UNC13C: variants seen among roughly 807,000 people sequenced by gnomAD.
The protein encoded by UNC13C is unc-13 homolog C, also known as protein unc-13 homolog C.
Under a neutral mutation model 245.4 loss-of-function variants are expected in UNC13C, and 174 were observed. The observed-to-expected ratio is 0.71, with a 90% CI of 0.63 to 0.80. The LOEUF (loss-of-function observed/expected upper bound fraction) is 0.80. UNC13C is among the 30% of genes least tolerant of loss of function. UNC13C has a pLI of 0.00. For synonymous variants in UNC13C, 992 were observed against 895.1 expected, an observed-to-expected ratio of 1.11 and a Z score of -1.93; for missense variants, 2,829 against 2,602.9, an observed-to-expected ratio of 1.09 and a Z score of -1.89.
At chr15:54,396,942 A>T (rs148828697) in intron 18 of UNC13C, among the ~76,000 whole-genome samples, 96 of 151,054 alleles carry the variant, frequency 6.4e-4, no homozygotes, top group African/African-American at 2.2e-3. Flanking sequence ...TAAATGTTGC[A>T]GTATATGCTT....
rs746781301 is a variant in UNC13C, at chr15:54,237,669, A to C, written c.3207A>C (p.Thr1069=). The C allele has an allele frequency of 4.3e-6, 7 of 1,611,812 alleles. No individual in the cohort carries two copies. The East Asian group carries it at 1.1e-4, about 26-fold the overall frequency. ...SGLSLAMVIR[T]SLNNEELKMH... ...TCTCCCTGGCTATGGTGATTAGGAC[A>C]TCCCTAAATAATGAGGAACTGGTAA... The change falls in exon 7 of 33, where the codon ACA becomes ACC. Residue 1069 remains threonine, a synonymous_variant. Coordinates refer to ENST00000260323, the MANE Select transcript of UNC13C (RefSeq NM_001080534.3).
At chr15:54,624,065 T>G in intron 32 of UNC13C, 111 bp downstream of exon 32, 1 of 1,342,582 alleles carries the variant, frequency 7.4e-7, no homozygotes, top group Non-Finnish European at 1.0e-6. Flanking sequence ...AAGGCTCTGT[T>G]TTTAGTTCCC....
chr15:54,301,562 G>A (rs1216725058), intron 13 of UNC13C, among the ~76,000 whole-genome samples: 1 of 152,060 alleles, frequency 6.6e-6, no homozygotes, highest in East Asian at 1.9e-4. Context: ...TCTTGTGTTA[G>A]TTTGCTGAGA....
intron 19 of UNC13C, among the ~76,000 whole-genome samples, chr15:54,450,164 G>C (rs1416503548): frequency 6.6e-6 from 1 of 152,208 alleles, no homozygotes; most frequent in Non-Finnish European, 1.5e-5. Context: ...GCCACGATGA[G>C]GTGTCAGTCT....
chr15:54,254,468 T>C (rs141812461), intron 8 of UNC13C, among the ~76,000 whole-genome samples: 53 of 152,334 alleles, frequency 3.5e-4, no homozygotes, highest in African/African-American at 1.2e-3. Flanking sequence ...CACTGCTACT[T>C]AACACACATT....
chr15:54,161,289 T>C (rs532116780), intron 4 of UNC13C, among the ~76,000 whole-genome samples: 1 of 152,176 alleles, frequency 6.6e-6, no homozygotes, highest in African/African-American at 2.4e-5. Context: ...ATAAGTTGAA[T>C]AATAAACAGG....
At chr15:54,526,520 A>G (rs1356359786) in intron 25 of UNC13C, among the ~76,000 whole-genome samples, 1 of 152,056 alleles carries the variant, frequency 6.6e-6, no homozygotes, top group Non-Finnish European at 1.5e-5. Flanking sequence ...TCACGAGGTC[A>G]GGAGATCGAG....
the UNC13C span, among the ~76,000 whole-genome samples, chr15:53,944,073 ATCTG>A: frequency 8.1e-5 from 12 of 148,358 alleles, no homozygotes; most frequent in African/African-American, 2.9e-4. Flanking sequence ...CTCTGTTAAT[ATCTG>A]TCTTTTAGTT....
intron 7 of UNC13C, among the ~76,000 whole-genome samples, chr15:54,242,081 T>C (rs1446520608): frequency 6.6e-6 from 1 of 152,224 alleles, no homozygotes; most frequent in Non-Finnish European, 1.5e-5. Flanking sequence ...TATTTTTGCA[T>C]CTACTTTGCA....
rs1596546455 is a variant in UNC13C, at chr15:54,546,743, C to A, written c.5718C>A (p.Ile1906=). The A allele has an allele frequency of 6.6e-7, 1 of 1,508,450 alleles. No homozygotes were observed. The highest frequency in any genetic ancestry group is 8.9e-7 in the Non-Finnish European group (1 of 1,128,310). 93.4% of individuals were successfully genotyped at this position (1,508,450 alleles called of 1,614,324 possible). A position where few individuals can be genotyped will look rare whatever the true frequency, so the allele number is the denominator to read the frequency against. ...TCAGATTAAGTCTCTCAGCAAAAATCTGTGAGAAAACAGTCCTAAAGCGAG... is the reference window on the plus strand; with the variant it reads ...TCAGATTAAGTCTCTCAGCAAAAATATGTGAGAAAACAGTCCTAAAGCGAG... ...LDKTLSLSAK[I]CEKTVLKRVL... is the part of the protein sequence containing the mutation. Residue 1906 remains isoleucine, a synonymous_variant, in exon 27 of 33, where the codon ATC becomes ATA. Coordinates refer to ENST00000260323, the MANE Select transcript of UNC13C (RefSeq NM_001080534.3).
intron 4 of UNC13C, among the ~76,000 whole-genome samples, chr15:54,226,053 G>A (rs2035371559): frequency 6.6e-6 from 1 of 152,130 alleles, no homozygotes. Flanking sequence ...TTTTGCATCT[G>A]TTGAGATAAG....
At chr15:54,146,794 G>A (rs752511040) in intron 4 of UNC13C, among the ~76,000 whole-genome samples, 5 of 152,176 alleles carry the variant, frequency 3.3e-5, no homozygotes, top group Non-Finnish European at 5.9e-5. Context: ...GGACAGAAAT[G>A]TCTCAAAGAT....
rs944084178 is a variant in UNC13C at position 54,164,623 on chromosome 15, G to A, written c.3071+20939G>A. Among the ~76,000 whole-genome samples the A allele has an allele frequency of 1.8e-4, 27 of 152,252 alleles. No individual in the cohort carries two copies. The East Asian group carries it at 1.9e-3, about 11-fold the overall frequency. On this transcript the variant is annotated intron_variant, in intron 4 of 32. Transcript: ENST00000260323. ...CAGCATCTGCTCTGTCAGTTCAGCC[G>A]GGTTTCTAGAGCCATCAGCCTCTGG...
rs538945897 is a variant in UNC13C, at chr15:54,627,051, G to T, written c.6583G>T (p.Asp2195Tyr). The change falls in exon 33 of 33, where the codon GAT becomes TAT. Residue 2195 changes from aspartate (D) to tyrosine (Y), a missense_variant. Physicochemically the swap from Asp to Tyr is radical, Grantham distance 160. Transcript: ENST00000260323. ...AATACTCTCTCAGAGGACCAGTGAT[G>T]ATGTGGCTAAAGAATTTGTAAGACT... ...LRILSQRTSD[D>Y]VAKEFVRLKS... 1 of 1,613,076 alleles carries T rather than the reference G, an allele frequency of 6.2e-7. No homozygotes were observed. Among genetic ancestry groups the T allele is most frequent in the African/African-American group, 1.3e-5 (1 of 74,886 alleles).
intron 4 of UNC13C, among the ~76,000 whole-genome samples, chr15:54,193,085 A>G (rs1458995646): frequency 6.6e-6 from 1 of 152,288 alleles, no homozygotes; most frequent in East Asian, 1.9e-4. Context: ...ATTCATTTTC[A>G]TCACAACTGA....
intron 4 of UNC13C, among the ~76,000 whole-genome samples, chr15:54,169,351 T>A (rs974866287): frequency 1.3e-5 from 2 of 152,194 alleles, no homozygotes; most frequent in Non-Finnish European, 2.9e-5. Flanking sequence ...CTTTCCAGAA[T>A]CCAACCTCTT....
At chr15:54,084,107 G>A (rs1370483774) in intron 2 of UNC13C, among the ~76,000 whole-genome samples, 1 of 152,222 alleles carries the variant, frequency 6.6e-6, no homozygotes. Context: ...GGGGCTCCAC[G>A]TTGCTCTGGG....
At chr15:54,100,700 AT>A (rs1900118061) in intron 2 of UNC13C, among the ~76,000 whole-genome samples, 1 of 151,774 alleles carries the variant, frequency 6.6e-6, no homozygotes, top group Non-Finnish European at 1.5e-5. Context: ...AAAAAAAAAA[AT>A]AGCTGTTGAA....
chr15:54,037,267 G>C (rs925252983), intron 2 of UNC13C, among the ~76,000 whole-genome samples: 5 of 152,216 alleles, frequency 3.3e-5, no homozygotes, highest in Non-Finnish European at 7.3e-5. Flanking sequence ...GCACTCCGGT[G>C]ATGTGGTTTA....
Sources: allele counts gnomAD v4.1 joint callset (sites outside exome capture counted in the v4.1 genomes callset), GRCh38; gene constraint gnomAD v4.1.1; transcripts MANE v1.5; gene names NCBI Gene and HGNC (gene_info 2026-07-23, HGNC 2026-07-21).